Variants in LINGO2 observed in about 807,000 individuals in gnomAD.
The protein encoded by LINGO2 is leucine rich repeat and Ig domain containing 2.
LINGO2 carries 14 observed loss-of-function variants against 30.6 expected under a neutral mutation model. That is an observed-to-expected ratio of 0.46 (90% confidence interval 0.30 to 0.72). The LOEUF (loss-of-function observed/expected upper bound fraction) is 0.72, where lower values mean the gene tolerates loss of function less well. Ranked by LOEUF, LINGO2 falls within the 30% of genes least tolerant of loss-of-function variation. LINGO2 has a pLI of 0.07. For missense variants in LINGO2, 729 were observed against 751.7 expected (o/e 0.97, Z 0.35); for synonymous variants, 317 against 288.5 (o/e 1.10, Z -1.00).
chr9:28,625,303 C>T (rs1321663146), intron 1 of LINGO2, among the ~76,000 whole-genome samples: 1 of 152,142 alleles, frequency 6.6e-6, no homozygotes, highest in Admixed American at 6.6e-5. Flanking sequence ...ACTGTGTTCT[C>T]CCTCTCCCAA....
chr9:29,150,526 A>C, the LINGO2 span, among the ~76,000 whole-genome samples: 1 of 152,346 alleles, frequency 6.6e-6, no homozygotes, highest in Admixed American at 6.5e-5. Context: ...TAACCCAGTG[A>C]AACGATCCAA....
the LINGO2 span, among the ~76,000 whole-genome samples, chr9:28,714,051 C>T: frequency 6.6e-6 from 1 of 151,212 alleles, no homozygotes; most frequent in South Asian, 2.1e-4. Flanking sequence ...CCCAGGTACT[C>T]GGGAGGCTGA....
chr9:27,999,564 T>C (rs1418547258), intron 5 of LINGO2, among the ~76,000 whole-genome samples: 3 of 152,096 alleles, frequency 2.0e-5, no homozygotes, highest in Admixed American at 6.5e-5. Context: ...TTTTCATCCT[T>C]GACACAGTAT....
chr9:28,062,842 T>G (rs1825198191), intron 4 of LINGO2, among the ~76,000 whole-genome samples: 1 of 151,882 alleles, frequency 6.6e-6, no homozygotes. Context: ...CACATTTTCA[T>G]CAATTACTCC....
intron 4 of LINGO2, among the ~76,000 whole-genome samples, chr9:28,217,576 T>G (rs1820813118): frequency 6.6e-6 from 1 of 152,000 alleles, no homozygotes; most frequent in African/African-American, 2.4e-5. Flanking sequence ...GGAAGTCTTA[T>G]TTTTTTCTGA....
chr9:28,526,070 A>AAAAAAAAAAAAAAAAAAAAC (rs1821024489), intron 1 of LINGO2, among the ~76,000 whole-genome samples: 1 of 150,480 alleles, frequency 6.6e-6, no homozygotes, highest in Non-Finnish European at 1.5e-5. Flanking sequence ...AAAAAAAAAA[A>AAAAAAAAAAAAAAAAAAAAC]AAAAAAGCCA....
At chr9:28,043,217 G>T (rs990012324) in intron 4 of LINGO2, among the ~76,000 whole-genome samples, 4 of 152,128 alleles carry the variant, frequency 2.6e-5, no homozygotes, top group Non-Finnish European at 5.9e-5. Flanking sequence ...CCTGGCAGGG[G>T]AAACACTTCC....
At chr9:28,369,038 A>T (rs1410818884) in intron 3 of LINGO2, among the ~76,000 whole-genome samples, 1 of 152,182 alleles carries the variant, frequency 6.6e-6, no homozygotes. Flanking sequence ...ATGATGTGGG[A>T]AAGAATCTGG....
At chr9:29,165,603 T>C in the LINGO2 span, among the ~76,000 whole-genome samples, 3 of 152,072 alleles carry the variant, frequency 2.0e-5, no homozygotes, top group African/African-American at 4.8e-5. Context: ...CTTTTCAAGA[T>C]TCATAACTAC....
chr9:28,947,883 C>A, the LINGO2 span, among the ~76,000 whole-genome samples: 1 of 151,952 alleles, frequency 6.6e-6, no homozygotes, highest in Non-Finnish European at 1.5e-5. Context: ...ATATAAGGAT[C>A]CTATATCTTG....
intron 3 of LINGO2, among the ~76,000 whole-genome samples, chr9:28,350,599 AAAG>A (rs1321493608): frequency 4.1e-5 from 6 of 147,178 alleles, no homozygotes; most frequent in African/African-American, 1.5e-4. Flanking sequence ...AACGAGACAG[AAAG>A]TCAAGAAGGA....
intron 1 of LINGO2, among the ~76,000 whole-genome samples, chr9:28,557,606 A>G (rs924014265): frequency 1.3e-5 from 2 of 151,912 alleles, no homozygotes; most frequent in African/African-American, 4.8e-5. Flanking sequence ...TCAGGGATCT[A>G]GAACTAGAAA....
At chr9:28,368,866 G>C (rs905392640) in intron 3 of LINGO2, among the ~76,000 whole-genome samples, 5 of 151,770 alleles carry the variant, frequency 3.3e-5, no homozygotes, top group African/African-American at 1.2e-4. Flanking sequence ...AAAGTGCTGG[G>C]ATTACAGGCG....
intron 4 of LINGO2, among the ~76,000 whole-genome samples, chr9:28,066,739 C>A (rs1431057529): frequency 6.6e-6 from 1 of 152,016 alleles, no homozygotes; most frequent in Non-Finnish European, 1.5e-5. Context: ...CTTTAAGAAA[C>A]CCTTCTGGTC....
chr9:29,048,635 G>A, the LINGO2 span, among the ~76,000 whole-genome samples: 1 of 151,994 alleles, frequency 6.6e-6, no homozygotes, highest in African/African-American at 2.4e-5. Flanking sequence ...ATAGGCAAAT[G>A]GAACAGAGAC....
At chr9:28,767,785 CAAA>C in the LINGO2 span, among the ~76,000 whole-genome samples, 32 of 97,062 alleles carry the variant, frequency 3.3e-4, no homozygotes, top group Admixed American at 1.7e-3. Context: ...GACTCCATTT[CAAA>C]AAAAAAAAAA....
intron 5 of LINGO2, among the ~76,000 whole-genome samples, chr9:27,951,551 C>T (rs530676463): frequency 2.0e-5 from 3 of 152,100 alleles, no homozygotes; most frequent in Non-Finnish European, 4.4e-5. Context: ...TTCAGACAAA[C>T]TCAGTGGACC....
At chr9:28,714,073 C>T in the LINGO2 span, among the ~76,000 whole-genome samples, 7 of 151,322 alleles carry the variant, frequency 4.6e-5, no homozygotes, top group East Asian at 5.9e-4. Flanking sequence ...GCAGGAGAAT[C>T]GCTTGAACCT....
chr9:29,123,495 T>C, the LINGO2 span, among the ~76,000 whole-genome samples: 3 of 151,974 alleles, frequency 2.0e-5, no homozygotes, highest in Non-Finnish European at 2.9e-5. Flanking sequence ...AATAAGCTTT[T>C]AAATAAACTA....
Sources: allele counts gnomAD v4.1 joint callset (sites outside exome capture counted in the v4.1 genomes callset), GRCh38; gene constraint gnomAD v4.1.1; transcripts MANE v1.5; gene names NCBI Gene and HGNC (gene_info 2026-07-23, HGNC 2026-07-21).